The following NEK10 variants were observed in gnomAD, a reference collection of about 807,000 sequenced individuals.
NEK10 encodes NIMA related kinase 10, also known as serine/threonine-protein kinase Nek10.
NEK10 carries 122 observed loss-of-function variants against 159.8 expected under a neutral mutation model. The observed-to-expected ratio is 0.76, with a 90% CI of 0.66 to 0.89. The LOEUF is 0.89. NEK10 is among the 40% of genes least tolerant of loss of function. NEK10 has a pLI of 0.00. For synonymous variants in NEK10, 466 were observed against 457.1 expected (o/e 1.02, Z -0.25); for missense variants, 1,342 against 1,323.1 (o/e 1.01, Z -0.22).
At chr3:27,353,178 T>A (rs1455538954) in intron 1 of NEK10, among the ~76,000 whole-genome samples, 1 of 152,212 alleles carries the variant, frequency 6.6e-6, no homozygotes, top group Non-Finnish European at 1.5e-5. Context: ...ACAATTGGTT[T>A]GCTTTTATTT....
rs1032718953 is a variant in NEK10, at chr3:27,108,939, G to C, written c.*2333C>G. 1.3e-5 allele frequency among the ~76,000 whole-genome samples: 2 copies of C among 152,172 alleles called. No homozygotes were observed. The highest frequency in any genetic ancestry group is 4.8e-5 in the African/African-American group (2 of 41,442). ...TGGTAGTTTAGGGAGAATTCAAATA[G>C]AGCATATTCATACTTTTAGCAAAAC... On this transcript the variant is annotated 3_prime_UTR_variant, in exon 36 of 36. Transcript: ENST00000691995.
At chr3:27,263,547 C>T (rs1287940792) in intron 22 of NEK10, among the ~76,000 whole-genome samples, 1 of 152,182 alleles carries the variant, frequency 6.6e-6, no homozygotes, top group Admixed American at 6.5e-5. Context: ...TCGCTGCCGC[C>T]TTGCAGTTTG....
chr3:27,123,978 G>A (rs978549070), intron 32 of NEK10, among the ~76,000 whole-genome samples: 1 of 151,960 alleles, frequency 6.6e-6, no homozygotes, highest in African/African-American at 2.4e-5. Flanking sequence ...CCTGATTTTG[G>A]CATTTTATAC....
intron 30 of NEK10, among the ~76,000 whole-genome samples, chr3:27,144,683 G>C (rs1944123643): frequency 6.6e-6 from 1 of 152,046 alleles, no homozygotes; most frequent in South Asian, 2.1e-4. Context: ...TTATTGATTT[G>C]TAAATGCTCT....
intron 31 of NEK10, among the ~76,000 whole-genome samples, chr3:27,133,579 A>G (rs1427352895): frequency 1.3e-5 from 2 of 152,192 alleles, no homozygotes; most frequent in East Asian, 3.8e-4. Context: ...GTTCAAGACT[A>G]GCCTGACCAA....
At chr3:27,287,913 CTTG>C (rs1345996810) in intron 19 of NEK10, among the ~76,000 whole-genome samples, 170 bp from the exon 20 acceptor site, 1 of 152,094 alleles carries the variant, frequency 6.6e-6, no homozygotes, top group Non-Finnish European at 1.5e-5. Context: ...TTTTTAAAAA[CTTG>C]TTGCTTATAA....
In NEK10 at chr3:27,284,657, A is replaced by G; in HGVS notation, c.1959T>C (p.His653=). 1 of 1,610,504 alleles carries G rather than the reference A, an allele frequency of 6.2e-7. No individual in the cohort carries two copies. The highest frequency in any genetic ancestry group is 2.2e-5 in the East Asian group (1 of 44,834). Residue 653 remains histidine, a synonymous_variant, in exon 22 of 36, where the codon CAT becomes CAC. Transcript: ENST00000691995. Reference sequence around the variant, plus strand: ...TAATGTTGTTTGGTGTCAGATCTCTATGGACAATCCTCTTCTCCTTGTGTA... The same window carrying G: ...TAATGTTGTTTGGTGTCAGATCTCTGTGGACAATCCTCTTCTCCTTGTGTA... ...RYLHKEKRIV[H]RDLTPNNIML...
intron 22 of NEK10, among the ~76,000 whole-genome samples, chr3:27,261,316 G>C (rs980106909): frequency 6.6e-6 from 1 of 152,090 alleles, no homozygotes; most frequent in Non-Finnish European, 1.5e-5. Context: ...TGTGATGTTA[G>C]GATGTCAATT....
intron 22 of NEK10, among the ~76,000 whole-genome samples, chr3:27,266,084 C>T (rs964857604): frequency 6.6e-6 from 1 of 152,104 alleles, no homozygotes; most frequent in Non-Finnish European, 1.5e-5. Flanking sequence ...GGATTACAGG[C>T]GTGAGCCACT....
intron 23 of NEK10, among the ~76,000 whole-genome samples, chr3:27,204,275 C>CTTTTTTTTTTTTTTTTTTTTTTT (rs1203026508): frequency 2.5e-4 from 16 of 63,974 alleles, no homozygotes; most frequent in East Asian, 9.2e-4. Context: ...GATAAATTTT[C>CTTTTTTTTTTTTTTTTTTTTTTT]TTTTTTTTTT....
chr3:27,318,439 G>A (rs2045373046), intron 6 of NEK10, among the ~76,000 whole-genome samples: 1 of 152,180 alleles, frequency 6.6e-6, no homozygotes. Context: ...AAAAATTACT[G>A]AGAACCTCAA....
intron 23 of NEK10, among the ~76,000 whole-genome samples, chr3:27,209,871 ATC>A (rs10535365): frequency 0.23 from 35,681 of 152,038 alleles, 4,523 homozygotes; most frequent in Middle Eastern, 0.38. Context: ...CTTCTTGAAA[ATC>A]TGTCTTTTGT....
chr3:27,241,469 C>T (rs775247589), intron 23 of NEK10, among the ~76,000 whole-genome samples: 60 of 152,116 alleles, frequency 3.9e-4, no homozygotes, highest in Non-Finnish European at 8.4e-4. Context: ...TTACTGTACC[C>T]CAGAAACAGA....
At chr3:27,249,961 T>C (rs1163305334) in intron 23 of NEK10, among the ~76,000 whole-genome samples, 1 of 152,172 alleles carries the variant, frequency 6.6e-6, no homozygotes, top group Non-Finnish European at 1.5e-5. Flanking sequence ...AAACTGATGA[T>C]ACTGATTGCA....
chr3:27,256,247 TA>T, intron 23 of NEK10, 48 bp downstream of exon 23: 1 of 833,700 alleles, frequency 1.2e-6, no homozygotes, highest in Non-Finnish European at 1.8e-6. Flanking sequence ...AATGAAAGCC[TA>T]AATCAGTTAA....
intron 5 of NEK10, among the ~76,000 whole-genome samples, chr3:27,325,554 G>A (rs2045945971): frequency 6.6e-6 from 1 of 152,078 alleles, no homozygotes; most frequent in Non-Finnish European, 1.5e-5. Flanking sequence ...TCTCAAACCT[G>A]AGTGAATGAG....
At chr3:27,177,019 C>T (rs1947565578) in intron 26 of NEK10, among the ~76,000 whole-genome samples, 1 of 152,122 alleles carries the variant, frequency 6.6e-6, no homozygotes, top group African/African-American at 2.4e-5. Flanking sequence ...GCTGGAGTCC[C>T]CGCTGAAAAA....
intron 23 of NEK10, among the ~76,000 whole-genome samples, chr3:27,242,719 T>A (rs1954689721): frequency 6.6e-6 from 1 of 152,202 alleles, no homozygotes; most frequent in Non-Finnish European, 1.5e-5. Context: ...AAATTACAGA[T>A]GAACTCAGAA....
chr3:27,278,164 T>C (rs1049261214), intron 22 of NEK10, among the ~76,000 whole-genome samples: 1 of 152,224 alleles, frequency 6.6e-6, no homozygotes, highest in African/African-American at 2.4e-5. Context: ...CCACAGGCTG[T>C]ATTTTGCCAC....
Sources: gnomAD v4.1 joint callset for allele counts (sites outside exome capture counted in the v4.1 genomes callset) on GRCh38, gnomAD v4.1.1 for gene constraint, MANE v1.5 for transcripts, NCBI Gene and HGNC (gene_info 2026-07-23, HGNC 2026-07-21) for gene names.